The following TGFBR3 variants were observed in gnomAD, a reference collection of about 807,000 sequenced individuals.
The protein encoded by TGFBR3 is transforming growth factor beta receptor 3.
A neutral mutation model predicts 87.9 loss-of-function variants in TGFBR3; 46 were observed. The ratio of observed to expected loss-of-function variants is 0.52; its 90% CI spans 0.41 to 0.67. The LOEUF is 0.67. Among genes scored for constraint, TGFBR3 ranks in the 30% least tolerant of loss-of-function variants. The pLI, the probability that TGFBR3 is intolerant of heterozygous loss-of-function variation, is 0.00. For synonymous variants in TGFBR3, 381 were observed against 391.6 expected, an observed-to-expected ratio of 0.97 and a Z score of 0.32; for missense variants, 866 against 1,041.9, an observed-to-expected ratio of 0.83 and a Z score of 2.32.
At chr1:91,880,426 T>C (rs980096250) in intron 1 of TGFBR3, among the ~76,000 whole-genome samples, 6 of 151,922 alleles carry the variant, frequency 3.9e-5, no homozygotes, top group Admixed American at 1.3e-4. Flanking sequence ...GGTGAAACCC[T>C]GTCTCTACTA....
Position 91,683,798 on chromosome 1 carries a change from C to T in TGFBR3, c.2497G>A (p.Ala833Thr). Residue 833 changes from alanine (A) to threonine (T), a missense_variant, in exon 17 of 17, where the codon GCT (alanine) becomes ACT (threonine). Ala to Thr is a moderately conservative substitution (Grantham distance 58). Coordinates refer to ENST00000212355, the MANE Select transcript of TGFBR3 (RefSeq NM_003243.5). The stretch of plus-strand genomic sequence containing the variant: ...TGCGTGCTGCCGATGCTGTGGGCAG[C>T]ACTGCTGTTTTCCGAGGCTGGCGGG... ...TSPPASENSSAAHSIGSTQST... is the reference protein window; with the variant it reads ...TSPPASENSSTAHSIGSTQST... The T allele has an allele frequency of 1.2e-6, 2 of 1,608,548 alleles. No homozygotes were observed. Among genetic ancestry groups the T allele is most frequent in the Non-Finnish European group, 1.7e-6 (2 of 1,178,116 alleles).
intron 3 of TGFBR3, among the ~76,000 whole-genome samples, chr1:91,778,097 T>C (rs1181797340): frequency 6.6e-6 from 1 of 151,776 alleles, no homozygotes; most frequent in Non-Finnish European, 1.5e-5. Flanking sequence ...CTCAAAAGCA[T>C]TTTCCCAAGT....
chr1:91,884,480 G>GT (rs1237630967), intron 1 of TGFBR3, among the ~76,000 whole-genome samples: 1 of 152,120 alleles, frequency 6.6e-6, no homozygotes, highest in Non-Finnish European at 1.5e-5. Context: ...AGAGATATGC[G>GT]TTCAGCTCAA....
chr1:91,726,725 C>A (rs1238741380), intron 7 of TGFBR3, among the ~76,000 whole-genome samples: 1 of 137,496 alleles, frequency 7.3e-6, no homozygotes, highest in African/African-American at 2.8e-5. Context: ...ATCCCTCTCC[C>A]AAAATACTGA....
Position 91,826,672 on chromosome 1 carries a change from T to A in TGFBR3, c.62-29201A>T, listed in dbSNP as rs530820926. Among the ~76,000 whole-genome samples, 7 of 149,208 alleles carry A rather than the reference T, an allele frequency of 4.7e-5. No homozygotes were observed. In the South Asian group the frequency reaches 1.5e-3, roughly 32 times the overall value. ...TCAGCTGAAGATGACCCTATGCCAG[T>A]AAAGCAAACAGACAAAACAACCTAA... On this transcript the variant is annotated intron_variant, in intron 2 of 16. Coordinates refer to ENST00000212355, the MANE Select transcript of TGFBR3 (RefSeq NM_003243.5).
At chr1:91,862,281 T>C in intron 1 of TGFBR3, among the ~76,000 whole-genome samples, 1 of 152,222 alleles carries the variant, frequency 6.6e-6, no homozygotes, top group Admixed American at 6.5e-5. Context: ...TGACACTTGA[T>C]ACATGCAACC....
chr1:91,807,654 T>C (rs975723117), intron 2 of TGFBR3, among the ~76,000 whole-genome samples: 5 of 152,224 alleles, frequency 3.3e-5, no homozygotes, highest in Admixed American at 1.3e-4. Context: ...GATACCACTA[T>C]ACAATCTGGA....
chr1:91,816,743 T>G (rs1676241615), intron 2 of TGFBR3, among the ~76,000 whole-genome samples: 1 of 152,218 alleles, frequency 6.6e-6, no homozygotes, highest in Non-Finnish European at 1.5e-5. Context: ...AAAGTTATAT[T>G]TTGCACATCA....
chr1:91,882,660 G>C (rs1679139602), intron 1 of TGFBR3, among the ~76,000 whole-genome samples: 1 of 152,046 alleles, frequency 6.6e-6, no homozygotes, highest in Non-Finnish European at 1.5e-5. Context: ...CAGGAGAATG[G>C]CGTGAACCTG....
rs1373588412 is a variant in TGFBR3 at position 91,729,979 on chromosome 1, A to G, written c.569-6T>C. On this transcript the variant is annotated splice_polypyrimidine_tract_variant and splice_region_variant and intron_variant, in intron 5 of 16. Transcript: ENST00000212355. ...CTTTGGAGGGAACACTTGATCTGAA[A>G]GAGGCACAGGACAATCTGTCAAACC... is the stretch of plus-strand genomic sequence containing the variant. 3.7e-6 allele frequency: 6 copies of G among 1,614,150 alleles called. No homozygotes were observed. Among genetic ancestry groups the G allele is most frequent in the Non-Finnish European group, 5.1e-6 (6 of 1,180,018 alleles).
chr1:91,886,283 C>T (rs371850227), upstream of TGFBR3: 3 of 413,962 alleles, frequency 7.2e-6, no homozygotes, highest in Admixed American at 2.6e-5. Flanking sequence ...GGCTCTCGGC[C>T]GCCCAGAAAC....
intron 10 of TGFBR3, 55 bp from the exon 11 acceptor site, chr1:91,716,763 T>C (rs1672191914): frequency 3.1e-6 from 5 of 1,608,968 alleles, no homozygotes; most frequent in Non-Finnish European, 4.3e-6. Flanking sequence ...CCATGTGTGT[T>C]TGGTTCTGCC....
In TGFBR3 at chr1:91,796,073, G is replaced by A. The variant is rs375949400; in HGVS notation, c.246+1214C>T. Among the ~76,000 whole-genome samples the A allele has an allele frequency of 3.0e-4, 46 of 152,278 alleles. 1 individual carries two copies. The South Asian group carries it at 9.3e-3, about 31-fold the overall frequency. On this transcript the variant is annotated intron_variant, in intron 3 of 16. Coordinates refer to ENST00000212355, the MANE Select transcript of TGFBR3 (RefSeq NM_003243.5). Reference sequence around the variant, plus strand: ...AAAGCTCAAAGATAAATTCCATTCTGCATTACTTTTCCTATACTTCACTAT... The same window carrying A: ...AAAGCTCAAAGATAAATTCCATTCTACATTACTTTTCCTATACTTCACTAT...
At chr1:91,699,431 CTTT>C (rs60223260) in intron 14 of TGFBR3, among the ~76,000 whole-genome samples, 4 of 80,846 alleles carry the variant, frequency 4.9e-5, no homozygotes, top group Non-Finnish European at 6.4e-5. Flanking sequence ...CTTTCTTTTG[CTTT>C]TTTTTTTTTT....
chr1:91,711,935 G>A (rs284868), intron 13 of TGFBR3, among the ~76,000 whole-genome samples: 142,214 of 152,288 alleles, frequency 0.93, 66,511 homozygotes, highest in Admixed American at 0.94. Context: ...GGCTTGCTGT[G>A]TTTTTGGCCT....
In TGFBR3 at chr1:91,783,762, G is replaced by A. The variant is rs17886167; in HGVS notation, c.246+13525C>T. Among the ~76,000 whole-genome samples the A allele has an allele frequency of 6.7e-3, 1,024 of 152,144 alleles. 15 individuals are homozygous for A. The highest frequency in any genetic ancestry group is 0.023 in the African/African-American group (971 of 41,486). On this transcript the variant is annotated intron_variant, in intron 3 of 16. Coordinates refer to ENST00000212355, the MANE Select transcript of TGFBR3 (RefSeq NM_003243.5). ...TAAACAGGGAACAAATTACTATATC[G>A]GCAGGGATATTTTAAGTACTCACTG...
chr1:91,689,840 T>TAAA (rs545760131), intron 16 of TGFBR3, among the ~76,000 whole-genome samples: 61 of 99,204 alleles, frequency 6.1e-4, no homozygotes, highest in East Asian at 1.5e-3. Flanking sequence ...AGAAACTGAT[T>TAAA]AAAAAAAAAA....
At chr1:91,722,165 T>G in intron 7 of TGFBR3, 21 bp from the exon 8 acceptor site, 1 of 1,606,622 alleles carries the variant, frequency 6.2e-7, no homozygotes, top group South Asian at 1.1e-5. Context: ...AGCAAAAAAA[T>G]CACTCATGAG....
intron 16 of TGFBR3, among the ~76,000 whole-genome samples, chr1:91,695,262 T>A (rs1442708465): frequency 6.6e-6 from 1 of 152,240 alleles, no homozygotes; most frequent in Non-Finnish European, 1.5e-5. Context: ...AGGACTCTGA[T>A]GGACAGTGCT....
Sources: allele counts gnomAD v4.1 joint callset (sites outside exome capture counted in the v4.1 genomes callset), GRCh38; gene constraint gnomAD v4.1.1; transcripts MANE v1.5; gene names NCBI Gene and HGNC (gene_info 2026-07-23, HGNC 2026-07-21).